The following GPR137B variants were observed in gnomAD, a reference collection of about 807,000 sequenced individuals.
GPR137B encodes the protein integral membrane protein GPR137B.
A neutral mutation model predicts 42.5 loss-of-function variants in GPR137B; 42 were observed. That is an observed-to-expected ratio of 0.99 (90% CI 0.77 to 1.28). The LOEUF (loss-of-function observed/expected upper bound fraction) is 1.28, where lower values mean the gene tolerates loss of function less well. Ranked by LOEUF, GPR137B falls within the 50% of genes most tolerant of loss-of-function variation. The pLI, the probability that GPR137B is intolerant of heterozygous loss-of-function variation, is 0.00. For missense variants in GPR137B, 487 were observed against 493.9 expected, an observed-to-expected ratio of 0.99 and a Z score of 0.13; for synonymous variants, 218 against 209.7, an observed-to-expected ratio of 1.04 and a Z score of -0.34.
intron 6 of GPR137B, among the ~76,000 whole-genome samples, chr1:236,205,698 A>G (rs982806296): frequency 3.3e-5 from 5 of 152,020 alleles, no homozygotes; most frequent in African/African-American, 4.8e-5. Context: ...GCGCCACCGC[A>G]CCCAGCAAAT....
Position 236,182,708 on chromosome 1 carries a change from C to T in GPR137B, c.838-1070C>T, listed in dbSNP as rs191793436. On this transcript the variant is annotated intron_variant, in intron 4 of 6. Coordinates refer to ENST00000366592, the MANE Select transcript of GPR137B (RefSeq NM_003272.4). ...TGTGATCGCACCACTGCACTCCATC[C>T]TGGGTGACAGAGCAAGACCCTGTCT... is the stretch of plus-strand genomic sequence containing the variant. 4.3e-3 allele frequency among the ~76,000 whole-genome samples: 656 copies of T among 151,654 alleles called. 4 individuals carry two copies. The highest frequency in any genetic ancestry group is 0.015 in the African/African-American group (620 of 41,236).
In GPR137B at chr1:236,171,210, G is replaced by A. The variant is rs909436671; in HGVS notation, c.464+2455G>A. On this transcript the variant is annotated intron_variant, in intron 2 of 6. Transcript: ENST00000366592. The surrounding 1 kb of genome is among the most constrained non-coding windows in gnomAD (Gnocchi z 4.4). ...GTGGAATTCTCCAGTTGTGGCATCA[G>A]GTTGATTGATGCTCAGAAAGTTTCA... 1.3e-5 allele frequency among the ~76,000 whole-genome samples: 2 copies of A among 152,154 alleles called. No homozygotes were observed. The highest frequency in any genetic ancestry group is 2.4e-5 in the African/African-American group (1 of 41,428).
intron 5 of GPR137B, among the ~76,000 whole-genome samples, chr1:236,188,268 A>G (rs953941544): frequency 6.6e-6 from 1 of 152,206 alleles, no homozygotes; most frequent in African/African-American, 2.4e-5. Flanking sequence ...TCATCTGCAA[A>G]AAGAGACAAT....
chr1:236,153,056 G>A (rs1333690720), intron 1 of GPR137B, among the ~76,000 whole-genome samples: 11 of 147,890 alleles, frequency 7.4e-5, no homozygotes, highest in Middle Eastern at 3.4e-3. Context: ...ACTCCATCTC[G>A]GGGAAAAAAA....
rs568192740 is a variant in GPR137B at position 236,155,853 on chromosome 1, T to G, written c.414+12817T>G. Among the ~76,000 whole-genome samples, 61 of 152,298 alleles carry G rather than the reference T, an allele frequency of 4.0e-4. No homozygotes were observed. Among genetic ancestry groups the G allele is most frequent in the African/African-American group, 1.4e-3 (57 of 41,574 alleles). On this transcript the variant is annotated intron_variant, in intron 1 of 6. Coordinates refer to ENST00000366592, the MANE Select transcript of GPR137B (RefSeq NM_003272.4). This position sits in a 1 kb window ranked among gnomAD's most constrained non-coding sequence, Gnocchi z 4.6. ...AAGACTGTTATCCCATTATCACTTATGAAATGAGGAATGCCTTGTGAGGAC... is the reference window on the plus strand; with the variant it reads ...AAGACTGTTATCCCATTATCACTTAGGAAATGAGGAATGCCTTGTGAGGAC...
At chr1:236,164,469 G>C (rs938228593) in intron 1 of GPR137B, among the ~76,000 whole-genome samples, 1 of 152,186 alleles carries the variant, frequency 6.6e-6, no homozygotes, top group African/African-American at 2.4e-5. Flanking sequence ...TTCCTGCCAA[G>C]GTCAGTGGGA....
chr1:236,191,907 CT>C (rs1360956583), intron 5 of GPR137B, among the ~76,000 whole-genome samples: 1 of 152,220 alleles, frequency 6.6e-6, no homozygotes, highest in Non-Finnish European at 1.5e-5. Context: ...ACATTTAAGT[CT>C]GCTGAAGCTG....
At position 236,166,709 on chromosome 1, in the gene GPR137B, G is replaced by A. The variant is rs546306979; in HGVS notation, c.415-1997G>A. On this transcript the variant is annotated intron_variant, in intron 1 of 6. Coordinates refer to ENST00000366592, the MANE Select transcript of GPR137B (RefSeq NM_003272.4). ...CTTAGAAATCTTTAGGAATGGCCGGGCACAGTGGCTAACGCCTGTAATCCC... is the reference window on the plus strand; with the variant it reads ...CTTAGAAATCTTTAGGAATGGCCGGACACAGTGGCTAACGCCTGTAATCCC... Among the ~76,000 whole-genome samples the A allele has an allele frequency of 5.7e-4, 87 of 152,116 alleles. 1 individual carries two copies. The highest frequency in any genetic ancestry group is 2.0e-3 in the Admixed American group (31 of 15,274).
chr1:236,164,019 CT>C (rs1389847096), intron 1 of GPR137B, among the ~76,000 whole-genome samples: 1 of 151,710 alleles, frequency 6.6e-6, no homozygotes, highest in East Asian at 1.9e-4. Flanking sequence ...CCTCCTCACA[CT>C]TTTCAGCACC....
chr1:236,181,123 CAA>C (rs1662860114), intron 4 of GPR137B, among the ~76,000 whole-genome samples: 3 of 151,806 alleles, frequency 2.0e-5, no homozygotes, highest in Non-Finnish European at 1.5e-5. Context: ...AAAATCTAGA[CAA>C]AAGTGACTGA....
chr1:236,207,097 T>C (rs1376332331), intron 6 of GPR137B: 4 of 974,834 alleles, frequency 4.1e-6, no homozygotes, highest in Non-Finnish European at 4.9e-6. Flanking sequence ...TTTAGAAAAC[T>C]TTTTAAGAGA....
At chr1:236,202,032 C>T (rs975893964) in intron 5 of GPR137B, among the ~76,000 whole-genome samples, 1 of 151,988 alleles carries the variant, frequency 6.6e-6, no homozygotes, top group Admixed American at 6.5e-5. Context: ...GGTCTAGTCA[C>T]CCAGCAGGGC....
At chr1:236,159,285 G>A (rs1662117797) in intron 1 of GPR137B, among the ~76,000 whole-genome samples, 2 of 152,168 alleles carry the variant, frequency 1.3e-5, no homozygotes, top group African/African-American at 2.4e-5. Flanking sequence ...CTGCACTCCA[G>A]CCTGGGTGAC....
intron 5 of GPR137B, among the ~76,000 whole-genome samples, chr1:236,185,268 G>A (rs947942418): frequency 3.3e-5 from 5 of 152,062 alleles, no homozygotes; most frequent in African/African-American, 1.2e-4. Context: ...CTGCAGGTGG[G>A]GCATTTCTTA....
chr1:236,147,290 G>A (rs897215276), intron 1 of GPR137B, among the ~76,000 whole-genome samples: 1 of 152,176 alleles, frequency 6.6e-6, no homozygotes, highest in African/African-American at 2.4e-5. Context: ...CCAGCGTGTC[G>A]GCCTCTGGTC....
intron 1 of GPR137B, among the ~76,000 whole-genome samples, chr1:236,153,992 T>G (rs1474109576): frequency 6.6e-6 from 1 of 152,164 alleles, no homozygotes; most frequent in Non-Finnish European, 1.5e-5. Flanking sequence ...GGCTGTTGGG[T>G]TTCCACCCAC....
At position 236,142,768 on chromosome 1, in the gene GPR137B, A is replaced by C. The variant is rs1280969786; in HGVS notation, c.146A>C (p.Tyr49Ser). The change falls in exon 1 of 7, where the codon TAC becomes TCC. Residue 49 changes from tyrosine (Y) to serine (S), a missense_variant. Transcript: ENST00000366592. ...GTGAAGCTTGGCCTCACCGTCGTCT[A>C]CACCGTGTTCTACGCGCTGCTCTTC... ...PYVKLGLTVV[Y>S]TVFYALLFVF... 8.1e-6 allele frequency: 13 copies of C among 1,613,432 alleles called. No homozygotes were observed. Among genetic ancestry groups the C allele is most frequent in the Non-Finnish European group, 1.1e-5 (13 of 1,179,978 alleles).
intron 1 of GPR137B, among the ~76,000 whole-genome samples, chr1:236,166,032 C>T (rs1015059386): frequency 3.9e-5 from 6 of 152,120 alleles, no homozygotes; most frequent in South Asian, 2.1e-4. Flanking sequence ...GGTTACCTAC[C>T]GCTTGGTAAA....
chr1:236,151,563 A>G (rs1229624336), intron 1 of GPR137B, among the ~76,000 whole-genome samples: 1 of 151,582 alleles, frequency 6.6e-6, no homozygotes, highest in Non-Finnish European at 1.5e-5. Context: ...AGCTGGGACT[A>G]CAGGTGCCCG....
Sources: allele counts gnomAD v4.1 joint callset (sites outside exome capture counted in the v4.1 genomes callset), GRCh38; gene constraint gnomAD v4.1.1; non-coding constraint Gnocchi (gnomAD v3.1); transcripts MANE v1.5; gene names NCBI Gene and HGNC (gene_info 2026-07-23, HGNC 2026-07-21).